RAPGEF2: variants seen among roughly 807,000 people sequenced by gnomAD.
RAPGEF2 encodes Rap guanine nucleotide exchange factor 2.
A neutral mutation model predicts 186.7 loss-of-function variants in RAPGEF2; 54 were observed. That is an observed-to-expected ratio of 0.29 (90% confidence interval 0.23 to 0.36). RAPGEF2 has a LOEUF of 0.36. RAPGEF2 is among the 10% of genes least tolerant of loss of function. The pLI is 1.00. For missense variants in RAPGEF2, 1,532 were observed against 2,045.0 expected, an observed-to-expected ratio of 0.75 and a Z score of 4.84; for synonymous variants, 712 against 705.9, an observed-to-expected ratio of 1.01 and a Z score of -0.14.
chr4:159,332,415 G>A (rs1459713706), intron 16 of RAPGEF2, 36 bp from the exon 17 acceptor site: 12 of 1,579,992 alleles, frequency 7.6e-6, no homozygotes, highest in Non-Finnish European at 1.0e-5. Context: ...TCTTATAATT[G>A]CCATTACGTG....
chr4:159,228,559 C>G (rs971911498), intron 4 of RAPGEF2, among the ~76,000 whole-genome samples: 3 of 152,070 alleles, frequency 2.0e-5, no homozygotes, highest in Non-Finnish European at 4.4e-5. Flanking sequence ...TGCAGAGGAG[C>G]AAACTTCTGT....
At chr4:159,186,761 G>A in intron 2 of RAPGEF2, 49 bp downstream of exon 2, 1 of 1,072,086 alleles carries the variant, frequency 9.3e-7, no homozygotes, top group Non-Finnish European at 1.3e-6. Flanking sequence ...AAAATTTGAA[G>A]CATGTAACAA....
intron 6 of RAPGEF2, among the ~76,000 whole-genome samples, chr4:159,242,947 C>T (rs1416465779): frequency 6.6e-6 from 1 of 151,838 alleles, no homozygotes; most frequent in East Asian, 1.9e-4. Flanking sequence ...TTTGTTTGTT[C>T]TTATAGTCAT....
In RAPGEF2 at chr4:159,301,911, T is replaced by A. The variant is rs9942288; in HGVS notation, c.544-2431T>A. ...TATTTTCTATTGTTTGTAACACCTA[T>A]CACAGTGAATTTGGAGGTAGTAGAG... is the stretch of plus-strand genomic sequence containing the variant. On this transcript the variant is annotated intron_variant, in intron 7 of 29. Transcript: ENST00000691494. Among the ~76,000 whole-genome samples, 659 of 152,172 alleles carry A rather than the reference T, an allele frequency of 4.3e-3. 11 individuals carry two copies. Among genetic ancestry groups the A allele is most frequent in the African/African-American group, 0.015 (626 of 41,484 alleles).
intron 17 of RAPGEF2, among the ~76,000 whole-genome samples, chr4:159,337,371 TTCCTCCTGTTTTCA>T (rs1396819097): frequency 6.6e-6 from 1 of 152,202 alleles, no homozygotes; most frequent in African/African-American, 2.4e-5. Flanking sequence ...TTGGATTTTT[TTCCTCCTGTTTTCA>T]TTTTACCCAA....
In RAPGEF2 at chr4:159,323,667, C is replaced by T. The variant is rs543729131; in HGVS notation, c.1149+50C>T. ...TATATTTTATTCTTAATAAAGAACACTTATATGCCATTGTGATGAGATTTT... is the reference window on the plus strand; with the variant it reads ...TATATTTTATTCTTAATAAAGAACATTTATATGCCATTGTGATGAGATTTT... On this transcript the variant is annotated intron_variant, in intron 11 of 29. Coordinates refer to ENST00000691494, the MANE Select transcript of RAPGEF2 (RefSeq NM_001394067.2). 4.6e-6 allele frequency: 5 copies of T among 1,097,442 alleles called. No homozygotes were observed. In the Admixed American group the frequency reaches 1.9e-4, roughly 42 times the overall value. 68.0% of individuals were successfully genotyped at this position (1,097,442 alleles called of 1,614,324 possible).
chr4:159,195,875 GTTTTTTTTTT>G (rs34827512), intron 3 of RAPGEF2, among the ~76,000 whole-genome samples: 68 of 94,228 alleles, frequency 7.2e-4, no homozygotes, highest in African/African-American at 1.8e-3. Context: ...AAACATACCT[GTTTTTTTTTT>G]TTTTTTTTTT....
chr4:159,163,206 A>G (rs1417286312), intron 1 of RAPGEF2, among the ~76,000 whole-genome samples: 1 of 152,200 alleles, frequency 6.6e-6, no homozygotes, highest in Admixed American at 6.5e-5. Flanking sequence ...TCTTATTCCA[A>G]TAATTTTATA....
At chr4:159,174,933 CT>C (rs1746307994) in intron 1 of RAPGEF2, among the ~76,000 whole-genome samples, 1 of 151,894 alleles carries the variant, frequency 6.6e-6, no homozygotes, top group Non-Finnish European at 1.5e-5. Flanking sequence ...ATTTTGTTTT[CT>C]TTTTTCTCTA....
intron 2 of RAPGEF2, among the ~76,000 whole-genome samples, chr4:159,188,894 G>C (rs1440704926): frequency 6.6e-6 from 1 of 152,158 alleles, no homozygotes; most frequent in African/African-American, 2.4e-5. Context: ...CGGAGCCTGT[G>C]AGATGTTTAT....
Position 159,350,226 on chromosome 4 carries a change from A to G in RAPGEF2, c.3802A>G (p.Ile1268Val). The change falls in exon 26 of 30, where the codon ATA becomes GTA. Residue 1268 changes from isoleucine (I) to valine (V), a missense_variant. Around this residue, in one of 4 missense-constraint regions of RAPGEF2, gnomAD observed 594 missense variants for 608.5 expected, o/e 0.98. Transcript: ENST00000691494. ...ERHKKQAEDT[I>V]SNASSQLSSP... Reference sequence around the variant, plus strand: ...TCACAAGAAACAGGCTGAAGATACAATATCAAATGCATCTTCGCAGCTTTC... The same window carrying G: ...TCACAAGAAACAGGCTGAAGATACAGTATCAAATGCATCTTCGCAGCTTTC... 6.2e-7 allele frequency: 1 copy of G among 1,600,814 alleles called. No individual in the cohort carries two copies. The highest frequency in any genetic ancestry group is 8.5e-7 in the Non-Finnish European group (1 of 1,173,432).
At position 159,352,465 on chromosome 4, in the gene RAPGEF2, C is replaced by CT. The variant is rs1480473830; in HGVS notation, c.3866-217dup. The CT allele has an allele frequency of 6.1e-6, 3 of 491,146 alleles. No individual in the cohort carries two copies. In the East Asian group the frequency reaches 1.0e-4, roughly 16 times the overall value. 30.4% of individuals were successfully genotyped at this position (491,146 alleles called of 1,614,324 possible). A position where few individuals can be genotyped will look rare whatever the true frequency, so the allele number is the denominator to read the frequency against. ...GCATCTTTTCCTAGCTTGTAGGATA[C>CT]TTTCTTTTTTCCTCTCTAAACTTCG... On this transcript the variant is annotated intron_variant, in intron 26 of 29. Transcript: ENST00000691494.
intron 1 of RAPGEF2, among the ~76,000 whole-genome samples, chr4:159,134,738 A>G (rs1171731424): frequency 6.6e-6 from 1 of 152,234 alleles, no homozygotes; most frequent in Non-Finnish European, 1.5e-5. Context: ...CACATACCAT[A>G]CAATTCACCC....
intron 7 of RAPGEF2, among the ~76,000 whole-genome samples, chr4:159,251,719 C>G (rs1391488953): frequency 1.3e-5 from 2 of 152,062 alleles, no homozygotes; most frequent in African/African-American, 4.8e-5. Context: ...ATTATAAATG[C>G]ACCAATCAGC....
intron 1 of RAPGEF2, among the ~76,000 whole-genome samples, chr4:159,143,059 G>A (rs910427234): frequency 5.9e-5 from 9 of 152,136 alleles, no homozygotes; most frequent in African/African-American, 2.2e-4. Context: ...AAACTTCCTT[G>A]AGTAATTTTA....
At chr4:159,304,950 T>C (rs1439810949) in intron 8 of RAPGEF2, among the ~76,000 whole-genome samples, 1 of 152,222 alleles carries the variant, frequency 6.6e-6, no homozygotes, top group Non-Finnish European at 1.5e-5. Flanking sequence ...TGTCTGTCTG[T>C]GTCTGAATTA....
intron 7 of RAPGEF2, among the ~76,000 whole-genome samples, chr4:159,280,393 T>C (rs952838101): frequency 2.0e-5 from 3 of 152,224 alleles, no homozygotes; most frequent in African/African-American, 7.2e-5. Context: ...CGGAGCACCC[T>C]GAAATCCACT....
In RAPGEF2 at chr4:159,340,735, G is replaced by A. The variant is rs71609038; in HGVS notation, c.2535-829G>A. ...TATGGAATTTTCACAGAGAAAGCAT[G>A]TGTCTAAAAAACAAAAACAAAACAA... On this transcript the variant is annotated intron_variant, in intron 19 of 29. Transcript: ENST00000691494. Among the ~76,000 whole-genome samples the A allele has an allele frequency of 1.8e-3, 147 of 80,112 alleles. 16 individuals carry two copies. Among genetic ancestry groups the A allele is most frequent in the Non-Finnish European group, 3.0e-3 (123 of 41,176 alleles). 52.6% of individuals were successfully genotyped at this position (80,112 alleles called of 152,430 possible).
chr4:159,199,006 G>A (rs1749108958), intron 3 of RAPGEF2, among the ~76,000 whole-genome samples: 1 of 145,566 alleles, frequency 6.9e-6, no homozygotes, highest in Non-Finnish European at 1.5e-5. Context: ...AGCCCCAGCA[G>A]CAGGGTTTGC....
Sources: gnomAD v4.1 joint callset for allele counts (sites outside exome capture counted in the v4.1 genomes callset) on GRCh38, gnomAD v4.1.1 for gene constraint, gnomAD v4.1.1 regional missense constraint, MANE v1.5 for transcripts, NCBI Gene and HGNC (gene_info 2026-07-23, HGNC 2026-07-21) for gene names.